The following ADGRB1 variants were observed in gnomAD, a reference collection of about 807,000 sequenced individuals.
ADGRB1 encodes brain-specific angiogenesis inhibitor 1.
In ADGRB1, 36 loss-of-function variants were observed where a neutral mutation model predicts 175.7. The observed-to-expected ratio is 0.20, with a 90% confidence interval of 0.16 to 0.27. ADGRB1 has a LOEUF of 0.27. Among genes scored for constraint, ADGRB1 ranks in the 10% least tolerant of loss-of-function variants. ADGRB1 has a pLI of 1.00. For synonymous variants in ADGRB1, 1,054 were observed against 979.4 expected (o/e 1.08, Z -1.42); for missense variants, 1,731 against 2,255.3 (o/e 0.77, Z 4.71).
intron 17 of ADGRB1, among the ~76,000 whole-genome samples, chr8:142,496,106 A>T (rs1046200777): frequency 7.7e-6 from 1 of 130,644 alleles, no homozygotes; most frequent in Admixed American, 7.8e-5. Context: ...GGCTGGCTGG[A>T]TGTATAGATG....
rs1409959930 is a variant in ADGRB1 at position 142,542,097 on chromosome 8, T to C, written c.3863T>C (p.Leu1288Pro). Residue 1288 changes from leucine to proline, a missense_variant, in exon 28 of 31, where the codon CTG becomes CCG. Leu to Pro is a moderately conservative substitution (Grantham distance 98). This residue lies in a region of ADGRB1 where 394 missense variants were observed against 410.2 expected (regional missense o/e 0.96). Transcript: ENST00000517894. This position sits in a 1 kb window ranked among gnomAD's most constrained non-coding sequence, Gnocchi z 6.3. ...CCGGCCAACGTGTCCAAGCTGCACC[T>C]GCACGGCTCACCCCGCTATCCCGGC... is the stretch of plus-strand genomic sequence containing the variant. ...SLPANVSKLH[L>P]HGSPRYPGGP... 2 of 1,613,234 alleles carry C rather than the reference T, an allele frequency of 1.2e-6. No individual in the cohort carries two copies. Among genetic ancestry groups the C allele is most frequent in the Non-Finnish European group, 1.7e-6 (2 of 1,179,810 alleles).
At position 142,449,987 on chromosome 8, in the gene ADGRB1, AGCCCC is replaced by A. The variant is rs1839237576; in HGVS notation, c.-336_-332del. The A allele has an allele frequency of 6.8e-6, 1 of 147,336 alleles. No homozygotes were observed. The highest frequency in any genetic ancestry group is 1.5e-5 in the Non-Finnish European group (1 of 66,272). The allele number at this position is 147,336 out of a possible 1,614,324, so 9.1% of individuals were successfully genotyped here. ...GGCCGGGGGCGGCGGCGGCTGGAGGAGCCCCCCCCACCTCCGGTCGGGCGCCCGGC... is the reference window on the plus strand; with the variant it reads ...GGCCGGGGGCGGCGGCGGCTGGAGGACCCCACCTCCGGTCGGGCGCCCGGC... On this transcript the variant is annotated 5_prime_UTR_variant, in exon 1 of 31. Transcript: ENST00000517894.
chr8:142,531,405 G>T (rs1046653874), intron 24 of ADGRB1, among the ~76,000 whole-genome samples: 4 of 152,212 alleles, frequency 2.6e-5, no homozygotes, highest in African/African-American at 4.8e-5. Context: ...GAGCAGCACG[G>T]TCATGGGCAA....
At chr8:142,497,966 G>T (rs1406471474) in intron 17 of ADGRB1, among the ~76,000 whole-genome samples, 1 of 152,046 alleles carries the variant, frequency 6.6e-6, no homozygotes, top group Non-Finnish European at 1.5e-5. Flanking sequence ...AGACCCTTGG[G>T]CCTGCCCAAG....
intron 17 of ADGRB1, among the ~76,000 whole-genome samples, chr8:142,497,690 C>G (rs1241324418): frequency 6.6e-6 from 1 of 152,202 alleles, no homozygotes; most frequent in Non-Finnish European, 1.5e-5. Context: ...TAGCTTCTGC[C>G]CCTGCAGCAG....
chr8:142,452,426 TC>T (rs2131607706), intron 1 of ADGRB1, among the ~76,000 whole-genome samples: 1 of 152,152 alleles, frequency 6.6e-6, no homozygotes, highest in African/African-American at 2.4e-5. Flanking sequence ...GCAGCACTCA[TC>T]CGGATCCCGG....
intron 1 of ADGRB1, among the ~76,000 whole-genome samples, chr8:142,460,525 T>C (rs1479456142): frequency 6.6e-6 from 1 of 152,074 alleles, no homozygotes; most frequent in East Asian, 1.9e-4. Context: ...ACCTGAGCCC[T>C]CTCTCCCCAC....
At chr8:142,459,704 GCA>G (rs777259846) in intron 1 of ADGRB1, among the ~76,000 whole-genome samples, 3 of 152,268 alleles carry the variant, frequency 2.0e-5, no homozygotes, top group Middle Eastern at 3.4e-3. Flanking sequence ...ATATGCACGG[GCA>G]CACACAGGCA....
chr8:142,525,342 G>A lies in ADGRB1; in HGVS notation c.3312+1038G>A, dbSNP rs113595605. ...CCTGGGGATGGAGGTTGTGGGAAAG[G>A]GGACAGAGACAGGAGTCCCACCCTG... On this transcript the variant is annotated intron_variant, in intron 23 of 30. Transcript: ENST00000517894. 3.4e-3 allele frequency among the ~76,000 whole-genome samples: 521 copies of A among 152,048 alleles called. 3 individuals carry two copies. Among genetic ancestry groups the A allele is most frequent in the African/African-American group, 0.011 (461 of 41,480 alleles).
Position 142,541,987 on chromosome 8 carries a change from C to T in ADGRB1, c.3753C>T (p.Gly1251=). The change falls in exon 28 of 31, where the codon GGC becomes GGT. Residue 1251 remains glycine, a synonymous_variant. Coordinates refer to ENST00000517894, the MANE Select transcript of ADGRB1 (RefSeq NM_001702.3). ...IAACRTATIT[G]TLKRPSLPEE... ...CCTGCCGCACTGCCACCATCACGGG[C>T]ACACTGAAGCGGCCGTCTCTGCCCG... 1.3e-6 allele frequency: 2 copies of T among 1,583,918 alleles called. No homozygotes were observed. The highest frequency in any genetic ancestry group is 1.8e-5 in the Admixed American group (1 of 55,704).
At chr8:142,522,211 G>T in intron 21 of ADGRB1, 96 bp downstream of exon 21, 1 of 1,496,450 alleles carries the variant, frequency 6.7e-7, no homozygotes, top group South Asian at 1.3e-5. Flanking sequence ...ATCCCCTGTG[G>T]ACCCCTGGGG....
chr8:142,501,175 C>T (rs776942705), intron 17 of ADGRB1, among the ~76,000 whole-genome samples: 2 of 152,054 alleles, frequency 1.3e-5, no homozygotes, highest in African/African-American at 2.4e-5. Context: ...CATGGGTGAC[C>T]GGTGGTCATT....
rs62513263 is a variant in ADGRB1, at chr8:142,482,994, A to T, written c.2131-983A>T. Reference sequence around the variant, plus strand: ...CACTGAGCCCAGATCCTGGTCACACACTGAGCCCTGATTCTGGTCACACAC... The same window carrying T: ...CACTGAGCCCAGATCCTGGTCACACTCTGAGCCCTGATTCTGGTCACACAC... On this transcript the variant is annotated intron_variant, in intron 11 of 30. Coordinates refer to ENST00000517894, the MANE Select transcript of ADGRB1 (RefSeq NM_001702.3). 4.6e-3 allele frequency among the ~76,000 whole-genome samples: 660 copies of T among 144,656 alleles called. 2 individuals carry two copies. The highest frequency in any genetic ancestry group is 7.7e-3 in the Non-Finnish European group (513 of 66,216). 94.9% of individuals were successfully genotyped at this position (144,656 alleles called of 152,430 possible). A position where few individuals can be genotyped will look rare whatever the true frequency, so the allele number is the denominator to read the frequency against.
intron 17 of ADGRB1, among the ~76,000 whole-genome samples, chr8:142,494,949 C>T (rs1313086711): frequency 6.6e-6 from 1 of 152,130 alleles, no homozygotes; most frequent in Non-Finnish European, 1.5e-5. Flanking sequence ...TAGCCCATCC[C>T]TGTATAGTTC....
chr8:142,527,475 G>A (rs756562789), intron 24 of ADGRB1, among the ~76,000 whole-genome samples: 96 of 152,180 alleles, frequency 6.3e-4, no homozygotes, highest in Non-Finnish European at 1.0e-3. Flanking sequence ...CCTTCCCCTT[G>A]GGTGCCTGTG....
Position 142,477,119 on chromosome 8 carries a change from C to G in ADGRB1, c.1063C>G (p.Pro355Ala), listed in dbSNP as rs1240801154. The G allele has an allele frequency of 1.3e-6, 2 of 1,569,564 alleles. No homozygotes were observed. The highest frequency in any genetic ancestry group is 1.7e-6 in the Non-Finnish European group (2 of 1,162,728). ...FGFPAPQTGD[P>A]AAEEWSPWSV... ...CGCTGTAGTGGGGCCTGCAGGTGAC[C>G]CAGCAGCCGAGGAGTGGTCCCCGTG... Residue 355 changes from proline to alanine, a missense_variant, in exon 5 of 31, where the codon CCA becomes GCA. By Grantham distance (27) the Pro-to-Ala change is conservative. Around this residue, in one of 8 missense-constraint regions of ADGRB1, gnomAD observed 178 missense variants for 227.8 expected, o/e 0.78. Coordinates refer to ENST00000517894, the MANE Select transcript of ADGRB1 (RefSeq NM_001702.3).
At chr8:142,472,851 G>A (rs1394905949) in intron 2 of ADGRB1, among the ~76,000 whole-genome samples, 1 of 152,056 alleles carries the variant, frequency 6.6e-6, no homozygotes, top group Non-Finnish European at 1.5e-5. Flanking sequence ...TCGAGACTCA[G>A]TATGCGTCCA....
chr8:142,527,477 G>A lies in ADGRB1; in HGVS notation c.3398+850G>A, dbSNP rs1467282470. Among the ~76,000 whole-genome samples, 3 of 152,228 alleles carry A rather than the reference G, an allele frequency of 2.0e-5. No homozygotes were observed. In the South Asian group the frequency reaches 6.2e-4, roughly 32 times the overall value. ...CGCTTTCAGGAAGCCTTCCCCTTGGGTGCCTGTGGGTTCTGGTCCTGGTTA... is the reference window on the plus strand; with the variant it reads ...CGCTTTCAGGAAGCCTTCCCCTTGGATGCCTGTGGGTTCTGGTCCTGGTTA... On this transcript the variant is annotated intron_variant, in intron 24 of 30. Coordinates refer to ENST00000517894, the MANE Select transcript of ADGRB1 (RefSeq NM_001702.3).
intron 25 of ADGRB1, among the ~76,000 whole-genome samples, chr8:142,534,357 C>T (rs970213305): frequency 2.0e-5 from 3 of 152,196 alleles, no homozygotes; most frequent in Non-Finnish European, 4.4e-5. Context: ...TTGGCCTCCG[C>T]GGCCTGGGCC....
Sources: gnomAD v4.1 joint callset for allele counts (sites outside exome capture counted in the v4.1 genomes callset) on GRCh38, gnomAD v4.1.1 for gene constraint, gnomAD v4.1.1 regional missense constraint, Gnocchi (gnomAD v3.1) non-coding constraint, MANE v1.5 for transcripts, NCBI Gene and HGNC (gene_info 2026-07-23, HGNC 2026-07-21) for gene names.